Variants in SLC15A1 observed in about 807,000 individuals in gnomAD.
SLC15A1 encodes the protein Caco-2 oligopeptide transporter.
SLC15A1 carries 83 observed loss-of-function variants against 92.9 expected under a neutral mutation model. That is an observed-to-expected ratio of 0.89 (90% confidence interval 0.75 to 1.07). The LOEUF (loss-of-function observed/expected upper bound fraction) is 1.07, where lower values mean the gene tolerates loss of function less well. Ranked by LOEUF, SLC15A1 falls within the 50% of genes least tolerant of loss-of-function variation. SLC15A1 has a pLI of 0.00. For synonymous variants in SLC15A1, 322 were observed against 318.2 expected (o/e 1.01, Z -0.13); for missense variants, 857 against 880.1 (o/e 0.97, Z 0.33).
At chr13:98,724,618 C>A (rs1383593006) in intron 4 of SLC15A1, among the ~76,000 whole-genome samples, 4 of 151,998 alleles carry the variant, frequency 2.6e-5, no homozygotes, top group Non-Finnish European at 4.4e-5. Flanking sequence ...ACTACAGGGG[C>A]CCGCCACCAT....
chr13:98,740,801 A>G lies in SLC15A1; in HGVS notation c.4+11794T>C, dbSNP rs376408087. On this transcript the variant is annotated intron_variant, in intron 1 of 22. Transcript: ENST00000376503. ...TGGGGTGGTGGGAAAGAGGAAGGAT[A>G]TGGGTGCCTGGTGTCACACACTTGG... Among the ~76,000 whole-genome samples the G allele has an allele frequency of 4.5e-4, 68 of 152,280 alleles. No homozygotes were observed. In the South Asian group the frequency reaches 6.8e-3, roughly 15 times the overall value.
intron 1 of SLC15A1, among the ~76,000 whole-genome samples, chr13:98,745,126 C>T (rs891480037): frequency 6.6e-6 from 1 of 152,132 alleles, no homozygotes; most frequent in African/African-American, 2.4e-5. Context: ...GGTAAATCGC[C>T]TGTGTCTCCT....
At chr13:98,695,686 C>T (rs75850987) in intron 18 of SLC15A1, among the ~76,000 whole-genome samples, 51 of 152,214 alleles carry the variant, frequency 3.4e-4, no homozygotes, top group African/African-American at 1.1e-3. Flanking sequence ...AGCCACCGAG[C>T]CCTGCCCAAG....
intron 17 of SLC15A1, 34 bp downstream of exon 17, chr13:98,704,255 G>C: frequency 6.5e-7 from 1 of 1,532,776 alleles, no homozygotes. Flanking sequence ...ATCACAAATA[G>C]CAAAGAGTCA....
intron 1 of SLC15A1, among the ~76,000 whole-genome samples, chr13:98,752,165 C>T (rs2088551845): frequency 6.6e-6 from 1 of 152,210 alleles, no homozygotes; most frequent in South Asian, 2.1e-4. Flanking sequence ...GGGTTCCCTG[C>T]GGAACTCCAG....
At chr13:98,717,062 C>T (rs941406196) in intron 8 of SLC15A1, among the ~76,000 whole-genome samples, 4 of 152,110 alleles carry the variant, frequency 2.6e-5, no homozygotes, top group African/African-American at 9.7e-5. Flanking sequence ...AGCATTGTTG[C>T]AAGTATATCT....
chr13:98,694,480 A>T (rs764394541), intron 18 of SLC15A1, among the ~76,000 whole-genome samples: 1 of 152,234 alleles, frequency 6.6e-6, no homozygotes, highest in Admixed American at 6.5e-5. Flanking sequence ...TATATAATTT[A>T]TAAAGGATAC....
At chr13:98,722,372 G>A (rs150272944) in intron 5 of SLC15A1, among the ~76,000 whole-genome samples, 37 of 152,264 alleles carry the variant, frequency 2.4e-4, no homozygotes, top group Admixed American at 8.5e-4. Flanking sequence ...ACAGAAAACT[G>A]GAAGGAAATA....
At chr13:98,701,466 T>C (rs1486518752) in intron 18 of SLC15A1, among the ~76,000 whole-genome samples, 1 of 151,886 alleles carries the variant, frequency 6.6e-6, no homozygotes, top group Non-Finnish European at 1.5e-5. Context: ...TAAACAATTG[T>C]CATCTATAAA....
Position 98,748,892 on chromosome 13 carries a change from C to T in SLC15A1, c.4+3703G>A, listed in dbSNP as rs186262360. On this transcript the variant is annotated intron_variant, in intron 1 of 22. Coordinates refer to ENST00000376503, the MANE Select transcript of SLC15A1 (RefSeq NM_005073.4). ...TCAGTGCATGAGCTCTACCCTGCAC[C>T]TGAGACTCTAGGCAAGAGGCCCAGC... is the stretch of plus-strand genomic sequence containing the variant. 3.0e-4 allele frequency among the ~76,000 whole-genome samples: 46 copies of T among 152,352 alleles called. 1 individual carries two copies. The highest frequency in any genetic ancestry group is 1.1e-3 in the African/African-American group (44 of 41,576).
chr13:98,699,147 G>C lies in SLC15A1; in HGVS notation c.1466+3333C>G, dbSNP rs142687286. Among the ~76,000 whole-genome samples the C allele has an allele frequency of 1.4e-3, 212 of 152,212 alleles. 2 individuals carry two copies. The highest frequency in any genetic ancestry group is 0.014 in the East Asian group (72 of 5,186). ...AATCACTAATGTGTTCTGTGTCCCT[G>C]GAGTTTTTGGCTTTCTGCGAATGTC... On this transcript the variant is annotated intron_variant, in intron 18 of 22. Coordinates refer to ENST00000376503, the MANE Select transcript of SLC15A1 (RefSeq NM_005073.4).
intron 1 of SLC15A1, among the ~76,000 whole-genome samples, chr13:98,739,950 G>A (rs1439083735): frequency 6.6e-6 from 1 of 152,124 alleles, no homozygotes; most frequent in African/African-American, 2.4e-5. Flanking sequence ...GGGGACCCCT[G>A]GCAGAGGTGA....
rs2088086073 is a variant in SLC15A1, at chr13:98,703,481, C to T, written c.1416+808G>A. Reference sequence around the variant, plus strand: ...CACTGAAATGCACTTTACAGAATGCCCACAACTCTACAACTCTTTCATTTA... The same window carrying T: ...CACTGAAATGCACTTTACAGAATGCTCACAACTCTACAACTCTTTCATTTA... On this transcript the variant is annotated intron_variant, in intron 17 of 22. Coordinates refer to ENST00000376503, the MANE Select transcript of SLC15A1 (RefSeq NM_005073.4). Among the ~76,000 whole-genome samples the T allele has an allele frequency of 2.0e-5, 3 of 150,246 alleles. No individual in the cohort carries two copies. In the South Asian group the frequency reaches 6.4e-4, roughly 32 times the overall value.
At chr13:98,712,458 T>G in intron 10 of SLC15A1, 40 bp downstream of exon 10, 1 of 1,471,358 alleles carries the variant, frequency 6.8e-7, no homozygotes, top group Non-Finnish European at 9.5e-7. Context: ...GTTCACTTCC[T>G]GGGGGAATCA....
At chr13:98,745,385 C>T (rs1407880914) in intron 1 of SLC15A1, among the ~76,000 whole-genome samples, 2 of 152,146 alleles carry the variant, frequency 1.3e-5, no homozygotes, top group South Asian at 2.1e-4. Flanking sequence ...GTCGGGGTGT[C>T]GAATAGTGTC....
At chr13:98,686,141 A>G (rs759744001) in intron 22 of SLC15A1, 49 bp downstream of exon 22, 1 of 1,379,248 alleles carries the variant, frequency 7.3e-7, no homozygotes, top group East Asian at 2.3e-5. Flanking sequence ...CATGATGACC[A>G]TGAACAGGAA....
At chr13:98,710,069 A>C (rs2088148898) in intron 11 of SLC15A1, among the ~76,000 whole-genome samples, 158 bp from the exon 12 acceptor site, 1 of 152,210 alleles carries the variant, frequency 6.6e-6, no homozygotes. Flanking sequence ...CTCTATTATA[A>C]TACTAGGTCA....
intron 1 of SLC15A1, among the ~76,000 whole-genome samples, chr13:98,750,389 G>T (rs2088534272): frequency 6.6e-6 from 1 of 152,140 alleles, no homozygotes; most frequent in Admixed American, 6.5e-5. Context: ...GGGATTACAG[G>T]TGTGAGCCAC....
At position 98,709,613 on chromosome 13, in the gene SLC15A1, A is replaced by G. The variant is rs567597255; in HGVS notation, c.1026T>C (p.Ala342=). The G allele has an allele frequency of 1.9e-6, 3 of 1,614,194 alleles. No individual in the cohort carries two copies. Among genetic ancestry groups the G allele is most frequent in the Non-Finnish European group, 2.5e-6 (3 of 1,180,036 alleles). ...LIVIMVPIFD[A]VLYPLIAKCG... The stretch of plus-strand genomic sequence containing the variant: ...ATTTTGCAATGAGAGGGTACAGCAC[A>G]GCATCGAAGATCGGGACCATGATCA... The change falls in exon 14 of 23, where the codon GCT becomes GCC. Residue 342 remains alanine (A), a synonymous_variant. Coordinates refer to ENST00000376503, the MANE Select transcript of SLC15A1 (RefSeq NM_005073.4).
Sources: allele counts gnomAD v4.1 joint callset (sites outside exome capture counted in the v4.1 genomes callset), GRCh38; gene constraint gnomAD v4.1.1; transcripts MANE v1.5; gene names NCBI Gene and HGNC (gene_info 2026-07-23, HGNC 2026-07-21).